Variants in CERS1 observed in about 807,000 individuals in gnomAD.
CERS1 encodes the protein Embryonic growth/differentiation factor 1.
Under a neutral mutation model 35.7 loss-of-function variants are expected in CERS1, and 16 were observed. That is an observed-to-expected ratio of 0.45 (90% confidence interval 0.30 to 0.68). The LOEUF (loss-of-function observed/expected upper bound fraction) is 0.68. Ranked by LOEUF, CERS1 falls within the 30% of genes least tolerant of loss-of-function variation. The pLI is 0.08. For missense variants in CERS1, 454 were observed against 453.9 expected (o/e 1.00, Z 0.00); for synonymous variants, 243 against 201.6 (o/e 1.21, Z -1.74).
intron 2 of CERS1, among the ~76,000 whole-genome samples, chr19:18,885,542 T>G (rs2056332867): frequency 7.9e-6 from 1 of 126,940 alleles, no homozygotes; most frequent in East Asian, 2.4e-4. Flanking sequence ...TTTTTTGAGA[T>G]GGAGTCTTGC....
chr19:18,887,252 C>G (rs932092592), intron 2 of CERS1, among the ~76,000 whole-genome samples: 2 of 152,184 alleles, frequency 1.3e-5, no homozygotes, highest in Non-Finnish European at 2.9e-5. Context: ...AAGCCAAACA[C>G]AAAAGGTCAC....
chr19:18,878,951 C>A lies in CERS1; in HGVS notation c.989G>T (p.Ser330Ile), dbSNP rs376643753. Reference sequence around the variant, plus strand: ...TCACTCGGCTTTGCTGGGCTTCAGGCTCTGGGCCTCGGCTGTGTCATACTC... The same window carrying A: ...TCACTCGGCTTTGCTGGGCTTCAGGATCTGGGCCTCGGCTGTGTCATACTC... ...LREYDTAEAQ[S>I]LKPSKAEKPL... Residue 330 changes from serine (S) to isoleucine (I), a missense_variant, in exon 6 of 8, where the codon AGC (serine) becomes ATC (isoleucine). By Grantham distance (142) the Ser-to-Ile change is moderately radical. Coordinates refer to ENST00000623882, the MANE Select transcript of CERS1 (RefSeq NM_021267.5). The surrounding 1 kb of genome is among the most constrained non-coding windows in gnomAD (Gnocchi z 4.6). The A allele has an allele frequency of 2.4e-5, 38 of 1,613,644 alleles. No individual in the cohort carries two copies. The highest frequency in any genetic ancestry group is 3.0e-5 in the Non-Finnish European group (35 of 1,179,848).
chr19:18,874,169 T>A (rs1188344041), intron 6 of CERS1, among the ~76,000 whole-genome samples: 1 of 152,166 alleles, frequency 6.6e-6, no homozygotes, highest in Non-Finnish European at 1.5e-5. Context: ...ACCCGGCCAC[T>A]TCTGCTTTCT....
intron 6 of CERS1, among the ~76,000 whole-genome samples, chr19:18,871,525 G>A (rs934289783): frequency 1.3e-5 from 2 of 152,114 alleles, no homozygotes; most frequent in African/African-American, 4.8e-5. Flanking sequence ...CCTGGCCCCA[G>A]CTAACTTTTT....
Position 18,895,718 on chromosome 19 carries a change from G to C in CERS1, c.249+106C>G, listed in dbSNP as rs1230695342. 1 of 550,760 alleles carries C rather than the reference G, an allele frequency of 1.8e-6. No homozygotes were observed. The highest frequency in any genetic ancestry group is 2.5e-6 in the Non-Finnish European group (1 of 400,944). The allele number at this position is 550,760 out of a possible 1,614,324, so 34.1% of individuals were successfully genotyped here. On this transcript the variant is annotated intron_variant, in intron 1 of 7. Coordinates refer to ENST00000623882, the MANE Select transcript of CERS1 (RefSeq NM_021267.5). The surrounding 1 kb of genome is among the most constrained non-coding windows in gnomAD (Gnocchi z 6.4). Reference sequence around the variant, plus strand: ...CCACGTTCCGGCGACCCCTTCATCCGCAGCAGCCAGCGCTGGAAGAAAGGA... The same window carrying C: ...CCACGTTCCGGCGACCCCTTCATCCCCAGCAGCCAGCGCTGGAAGAAAGGA...
intron 6 of CERS1, among the ~76,000 whole-genome samples, chr19:18,873,575 T>C (rs573210105): frequency 1.3e-5 from 2 of 151,928 alleles, no homozygotes; most frequent in South Asian, 4.2e-4. Flanking sequence ...TGGTGGCTGA[T>C]ACCTGTAATC....
Position 18,884,262 on chromosome 19 carries a change from T to A in CERS1, c.415A>T (p.Thr139Ser). Reference sequence around the variant, plus strand: ...TCCCGTGGCACTGCCATGCCCGGCGTCCAGTCTGGGGAGAGCCAAATCTCA... The same window carrying A: ...TCCCGTGGCACTGCCATGCCCGGCGACCAGTCTGGGGAGAGCCAAATCTCA... ...HDPPSVFYDW[T>S]PGMAVPRDIA... Residue 139 changes from threonine to serine, a missense_variant, in exon 3 of 8, where the codon ACG (threonine) becomes TCG (serine). Transcript: ENST00000623882. 3 of 1,611,218 alleles carry A rather than the reference T, an allele frequency of 1.9e-6. No individual in the cohort carries two copies. The highest frequency in any genetic ancestry group is 2.5e-6 in the Non-Finnish European group (3 of 1,179,222).
intron 7 of CERS1, 23 bp from the exon 8 acceptor site, chr19:18,869,413 T>G (rs1474940247): frequency 3.9e-6 from 6 of 1,524,758 alleles, no homozygotes; most frequent in Non-Finnish European, 5.3e-6. Flanking sequence ...GAACAGGAAC[T>G]CGGCTCGCGC....
rs1025578709 is a variant in CERS1 at position 18,886,321 on chromosome 19, G to T, written c.410-2054C>A. 2.6e-5 allele frequency among the ~76,000 whole-genome samples: 4 copies of T among 152,080 alleles called. No homozygotes were observed. In the East Asian group the frequency reaches 7.7e-4, roughly 29 times the overall value. On this transcript the variant is annotated intron_variant, in intron 2 of 7. Coordinates refer to ENST00000623882, the MANE Select transcript of CERS1 (RefSeq NM_021267.5). Reference sequence around the variant, plus strand: ...TCCCAGCACTTTGGGAGGCCGAGGCGGGCGGATCACAAGGTCAGGAGATCA... The same window carrying T: ...TCCCAGCACTTTGGGAGGCCGAGGCTGGCGGATCACAAGGTCAGGAGATCA...
At position 18,870,253 on chromosome 19, in the gene CERS1, G is replaced by C. The variant is rs370986101; in HGVS notation, c.*324C>G. The C allele has an allele frequency of 2.3e-4, 352 of 1,551,400 alleles. 4 individuals are homozygous for C. The African/African-American group carries it at 4.0e-3, about 18-fold the overall frequency. On this transcript the variant is annotated 3_prime_UTR_variant, in exon 7 of 8. Coordinates refer to ENST00000623882, the MANE Select transcript of CERS1 (RefSeq NM_021267.5). The surrounding 1 kb of genome is among the most constrained non-coding windows in gnomAD (Gnocchi z 5.1). ...GTCAGGGGCAGCGAGGGCAGCAGCAGGGCCAGGAGGAGGAGGAGGTGGTGG... is the reference window on the plus strand; with the variant it reads ...GTCAGGGGCAGCGAGGGCAGCAGCACGGCCAGGAGGAGGAGGAGGTGGTGG...
At chr19:18,882,406 G>A (rs2056233860) in intron 3 of CERS1, among the ~76,000 whole-genome samples, 1 of 151,582 alleles carries the variant, frequency 6.6e-6, no homozygotes, top group Admixed American at 6.6e-5. Flanking sequence ...GCCGAGGCAG[G>A]TGGATCACTT....
In CERS1 at chr19:18,869,964, C is replaced by T; in HGVS notation, c.*594+19G>A. The T allele has an allele frequency of 6.4e-7, 1 of 1,570,272 alleles. No homozygotes were observed. Among genetic ancestry groups the T allele is most frequent in the African/African-American group, 1.4e-5 (1 of 73,818 alleles). On this transcript the variant is annotated intron_variant, in intron 7 of 7. Transcript: ENST00000623882. ...GTCTGGCCTCCAGGACCAGTGTCCC[C>T]AGCGAAAGCCCCACTCACCGCGGTC... is the stretch of plus-strand genomic sequence containing the variant.
In CERS1 at chr19:18,879,401, G is replaced by T; in HGVS notation, c.753-13C>A. ...GCGGAACCAGAACCTGCGGTGGGAG[G>T]AGTCAGGAGGCCGTGGGTGGAGGGG... is the stretch of plus-strand genomic sequence containing the variant. On this transcript the variant is annotated splice_polypyrimidine_tract_variant and intron_variant, in intron 4 of 7. Coordinates refer to ENST00000623882, the MANE Select transcript of CERS1 (RefSeq NM_021267.5). The T allele has an allele frequency of 6.4e-7, 1 of 1,555,008 alleles. No individual in the cohort carries two copies.
At position 18,878,138 on chromosome 19, in the gene CERS1, G is replaced by A; in HGVS notation, c.1010+792C>T. 1.0e-6 allele frequency: 1 copy of A among 985,504 alleles called. No individual in the cohort carries two copies. The highest frequency in any genetic ancestry group is 1.2e-6 in the Non-Finnish European group (1 of 830,026). The allele number at this position is 985,504 out of a possible 1,614,324, so 61.0% of individuals were successfully genotyped here. On this transcript the variant is annotated intron_variant, in intron 6 of 7. Coordinates refer to ENST00000623882, the MANE Select transcript of CERS1 (RefSeq NM_021267.5). The surrounding 1 kb of genome is among the most constrained non-coding windows in gnomAD (Gnocchi z 4.6). ...CCCACGTCACCGATGGCCCCCACCGGCCAAATCAGAGGGCCTGGCTGGTCG... is the reference window on the plus strand; with the variant it reads ...CCCACGTCACCGATGGCCCCCACCGACCAAATCAGAGGGCCTGGCTGGTCG...
intron 2 of CERS1, among the ~76,000 whole-genome samples, chr19:18,888,533 A>C (rs922253108): frequency 1.3e-4 from 19 of 145,606 alleles, no homozygotes; most frequent in South Asian, 6.6e-4. Flanking sequence ...AAAAAAAAAA[A>C]AAAAAAAAAA....
In CERS1 at chr19:18,870,148, TG is replaced by T; in HGVS notation, c.*428del. 2.6e-6 allele frequency: 4 copies of T among 1,563,386 alleles called. No individual in the cohort carries two copies. The highest frequency in any genetic ancestry group is 2.6e-6 in the Non-Finnish European group (3 of 1,160,174). ...ATGACCGGGGGAACCGGCCGGAGCCTGGGGGCACCCTGGGGCTCATCGCGCA... is the reference window on the plus strand; with the variant it reads ...ATGACCGGGGGAACCGGCCGGAGCCTGGGGCACCCTGGGGCTCATCGCGCA... On this transcript the variant is annotated 3_prime_UTR_variant, in exon 7 of 8. Coordinates refer to ENST00000623882, the MANE Select transcript of CERS1 (RefSeq NM_021267.5). This position sits in a 1 kb window ranked among gnomAD's most constrained non-coding sequence, Gnocchi z 5.1.
chr19:18,878,997 G>A lies in CERS1; in HGVS notation c.943C>T (p.His315Tyr). 6.2e-7 allele frequency: 1 copy of A among 1,613,764 alleles called. No homozygotes were observed. Among genetic ancestry groups the A allele is most frequent in the Non-Finnish European group, 8.5e-7 (1 of 1,179,834 alleles). Residue 315 changes from histidine (H) to tyrosine (Y), a missense_variant, in exon 6 of 8, where the codon CAC becomes TAC. By Grantham distance (83) the His-to-Tyr change is moderately conservative. Transcript: ENST00000623882. The surrounding 1 kb of genome is among the most constrained non-coding windows in gnomAD (Gnocchi z 4.6). ...TACTCCCGCAGGTCCTTCAGCTCGT[G>A]CACCTGGCCTGTCAACACCTTGGCT... ...FAAKVLTGQV[H>Y]ELKDLREYDT...
In CERS1 at chr19:18,878,986, C is replaced by T. The variant is rs776038026; in HGVS notation, c.954G>A (p.Lys318=). ...CGGCTGTGTCATACTCCCGCAGGTC[C>T]TTCAGCTCGTGCACCTGGCCTGTCA... is the stretch of plus-strand genomic sequence containing the variant. ...KVLTGQVHEL[K]DLREYDTAEA... is the part of the protein sequence containing the mutation. The change falls in exon 6 of 8, where the codon AAG becomes AAA. Residue 318 remains lysine, a synonymous_variant. Transcript: ENST00000623882. This position sits in a 1 kb window ranked among gnomAD's most constrained non-coding sequence, Gnocchi z 4.6. 2 of 1,613,734 alleles carry T rather than the reference C, an allele frequency of 1.2e-6. No individual in the cohort carries two copies. The highest frequency in any genetic ancestry group is 1.7e-6 in the Non-Finnish European group (2 of 1,179,862).
Position 18,879,315 on chromosome 19 carries a change from G to T in CERS1, c.826C>A (p.Pro276Thr). The change falls in exon 5 of 8, where the codon CCT becomes ACT. Residue 276 changes from proline to threonine, a missense_variant. Coordinates refer to ENST00000623882, the MANE Select transcript of CERS1 (RefSeq NM_021267.5). Reference protein sequence around the residue: ...ATSHCSLRTVPDIPFYFFFNA... With the variant: ...ATSHCSLRTVTDIPFYFFFNA... ...AAGAAGAAGTAGAAGGGGATGTCAG[G>T]CACCGTGCGCAGACTGCAGTGACTG... 2 of 1,610,900 alleles carry T rather than the reference G, an allele frequency of 1.2e-6. No homozygotes were observed. Among genetic ancestry groups the T allele is most frequent in the East Asian group, 2.2e-5 (1 of 44,792 alleles).
Sources: gnomAD v4.1 joint callset for allele counts (sites outside exome capture counted in the v4.1 genomes callset) on GRCh38, gnomAD v4.1.1 for gene constraint, Gnocchi (gnomAD v3.1) non-coding constraint, MANE v1.5 for transcripts, NCBI Gene and HGNC (gene_info 2026-07-23, HGNC 2026-07-21) for gene names.